LRP1B: variants seen among roughly 807,000 people sequenced by gnomAD.
LRP1B encodes the protein low-density lipoprotein receptor-related protein 1B.
Under a neutral mutation model 556.6 loss-of-function variants are expected in LRP1B, and 217 were observed. That is an observed-to-expected ratio of 0.39 (90% CI 0.35 to 0.44). The LOEUF is 0.44. Ranked by LOEUF, LRP1B falls within the 20% of genes least tolerant of loss-of-function variation. The pLI, the probability that LRP1B is intolerant of heterozygous loss-of-function variation, is 1.00. For synonymous variants in LRP1B, 2,047 were observed against 1,865.8 expected (o/e 1.10, Z -2.50); for missense variants, 5,053 against 5,620.8 (o/e 0.90, Z 3.23).
intron 66 of LRP1B, among the ~76,000 whole-genome samples, chr2:140,427,002 C>G (rs969975489): frequency 6.6e-6 from 1 of 152,156 alleles, no homozygotes; most frequent in Non-Finnish European, 1.5e-5. Context: ...ATCCCTCAAC[C>G]TCTTTCTCCT....
chr2:140,400,140 C>G (rs781509406), intron 66 of LRP1B, among the ~76,000 whole-genome samples: 1 of 152,146 alleles, frequency 6.6e-6, no homozygotes, highest in African/African-American at 2.4e-5. Context: ...AGTGCCCCAT[C>G]TACACTCCTT....
At chr2:141,284,220 A>G (rs1466629609) in intron 3 of LRP1B, among the ~76,000 whole-genome samples, 1 of 152,196 alleles carries the variant, frequency 6.6e-6, no homozygotes, top group African/African-American at 2.4e-5. Context: ...GGACTGGGGA[A>G]CTCAATAATT....
At chr2:141,346,680 T>C (rs761163252) in intron 3 of LRP1B, among the ~76,000 whole-genome samples, 26 of 152,184 alleles carry the variant, frequency 1.7e-4, no homozygotes, top group Non-Finnish European at 3.5e-4. Context: ...AGTTCTCAGC[T>C]GATCTTTCTT....
chr2:140,687,134 C>A (rs2105390340), intron 41 of LRP1B, among the ~76,000 whole-genome samples: 1 of 151,982 alleles, frequency 6.6e-6, no homozygotes, highest in South Asian at 2.1e-4. Context: ...GTGATGAGAT[C>A]CAAAGTCATC....
chr2:140,907,508 G>A (rs965898931), intron 22 of LRP1B, among the ~76,000 whole-genome samples: 1 of 152,066 alleles, frequency 6.6e-6, no homozygotes, highest in Non-Finnish European at 1.5e-5. Context: ...AATATATAGG[G>A]TGGTGGTGAG....
rs892072638 is a variant in LRP1B at position 140,604,948 on chromosome 2, C to T, written c.6800-3309G>A. Among the ~76,000 whole-genome samples, 12 of 152,130 alleles carry T rather than the reference C, an allele frequency of 7.9e-5. No homozygotes were observed. In the South Asian group the frequency reaches 8.3e-4, roughly 11 times the overall value. On this transcript the variant is annotated intron_variant, in intron 41 of 90. Coordinates refer to ENST00000389484, the MANE Select transcript of LRP1B (RefSeq NM_018557.3). ...CTGTTCTTTCACTCTCCACCATGAT[C>T]GTGAGGCCTCCCCAGTCATGTGGAA...
intron 1 of LRP1B, among the ~76,000 whole-genome samples, chr2:141,848,355 T>C (rs1053316745): frequency 2.0e-5 from 3 of 151,426 alleles, no homozygotes; most frequent in Non-Finnish European, 4.4e-5. Flanking sequence ...GACACAGGCA[T>C]AAACCAAGTA....
chr2:140,914,216 A>G (rs1694508306), intron 21 of LRP1B, among the ~76,000 whole-genome samples: 1 of 152,110 alleles, frequency 6.6e-6, no homozygotes, highest in African/African-American at 2.4e-5. Context: ...AGAGGAAAAC[A>G]CAGTTGGCCA....
At chr2:141,644,101 T>C (rs1689455253) in intron 2 of LRP1B, among the ~76,000 whole-genome samples, 1 of 151,748 alleles carries the variant, frequency 6.6e-6, no homozygotes, top group South Asian at 2.1e-4. Context: ...ACAACCTTGT[T>C]CTTTCAATTC....
At chr2:141,188,740 G>T (rs1475005777) in intron 6 of LRP1B, among the ~76,000 whole-genome samples, 157 bp from the exon 7 acceptor site, 1 of 151,940 alleles carries the variant, frequency 6.6e-6, no homozygotes, top group Non-Finnish European at 1.5e-5. Context: ...ATGCCAAAAT[G>T]TGACTTAATA....
intron 32 of LRP1B, among the ~76,000 whole-genome samples, chr2:140,809,591 C>CTATTCA (rs1173032818): frequency 6.6e-6 from 1 of 152,152 alleles, no homozygotes; most frequent in East Asian, 1.9e-4. Context: ...ACTTCTAAGT[C>CTATTCA]TATTCATAAA....
intron 59 of LRP1B, among the ~76,000 whole-genome samples, chr2:140,478,242 C>T (rs946719815): frequency 6.0e-5 from 9 of 150,186 alleles, no homozygotes; most frequent in South Asian, 4.2e-4. Context: ...CTCCGCCTCC[C>T]GGGTTCACGC....
intron 2 of LRP1B, among the ~76,000 whole-genome samples, chr2:141,767,368 C>T (rs1202141100): frequency 6.6e-6 from 1 of 151,964 alleles, no homozygotes; most frequent in Non-Finnish European, 1.5e-5. Context: ...CTGTCTGCAG[C>T]CACTTCTTAA....
chr2:142,116,107 C>G (rs2105003653), intron 1 of LRP1B, among the ~76,000 whole-genome samples: 1 of 140,438 alleles, frequency 7.1e-6, no homozygotes, highest in Non-Finnish European at 1.5e-5. Flanking sequence ...GTCCCAGCTA[C>G]TCAAGAGCCT....
intron 12 of LRP1B, among the ~76,000 whole-genome samples, chr2:141,018,513 A>T (rs1697973495): frequency 2.6e-5 from 4 of 152,046 alleles, no homozygotes; most frequent in Admixed American, 2.0e-4. Context: ...GTTGAAGAGG[A>T]TTTCTAAATT....
At chr2:141,455,724 A>G (rs970458902) in intron 3 of LRP1B, among the ~76,000 whole-genome samples, 1 of 152,210 alleles carries the variant, frequency 6.6e-6, no homozygotes, top group African/African-American at 2.4e-5. Flanking sequence ...AACTTTTATG[A>G]GTAATTATTC....
At chr2:141,822,118 C>A (rs576566405) in intron 1 of LRP1B, among the ~76,000 whole-genome samples, 1 of 102,988 alleles carries the variant, frequency 9.7e-6, no homozygotes, top group Non-Finnish European at 1.9e-5. Flanking sequence ...CACACACACA[C>A]ACACACACAC....
intron 43 of LRP1B, among the ~76,000 whole-genome samples, chr2:140,545,844 T>G (rs1680312393): frequency 6.6e-6 from 1 of 152,042 alleles, no homozygotes. Flanking sequence ...ATAAATTGCT[T>G]TAGGTAGTAT....
At chr2:140,980,223 A>G (rs1019041572) in intron 18 of LRP1B, among the ~76,000 whole-genome samples, 9 of 152,130 alleles carry the variant, frequency 5.9e-5, no homozygotes, top group African/African-American at 2.2e-4. Context: ...CTCTGATTCC[A>G]GGGCCTCTCT....
Sources: gnomAD v4.1 joint callset for allele counts (sites outside exome capture counted in the v4.1 genomes callset) on GRCh38, gnomAD v4.1.1 for gene constraint, MANE v1.5 for transcripts, NCBI Gene and HGNC (gene_info 2026-07-23, HGNC 2026-07-21) for gene names.